ZNF772: variants seen among roughly 807,000 people sequenced by gnomAD.
ZNF772 encodes zinc finger protein 772.
ZNF772 carries 8 observed loss-of-function variants against 11.0 expected under a neutral mutation model. The ratio of observed to expected loss-of-function variants is 0.73; its 90% CI spans 0.43 to 1.31. The LOEUF (loss-of-function observed/expected upper bound fraction) is 1.31. ZNF772 is among the 50% of genes most tolerant of loss of function. The pLI is 0.01. For synonymous variants in ZNF772, 155 were observed against 180.4 expected, an observed-to-expected ratio of 0.86 and a Z score of 1.13; for missense variants, 496 against 552.3, an observed-to-expected ratio of 0.90 and a Z score of 1.02.
chr19:57,477,525 A>T lies in ZNF772; in HGVS notation c.-216T>A. ...AAACTAAACCAGTGGATTAATGGAA[A>T]AGCAAACAAAATGTCCACCCGAGGA... On this transcript the variant is annotated 5_prime_UTR_variant, in exon 1 of 4. Transcript: ENST00000356584. 1.9e-6 allele frequency: 1 copy of T among 520,746 alleles called. No individual in the cohort carries two copies. The highest frequency in any genetic ancestry group is 3.4e-6 in the Non-Finnish European group (1 of 290,808). The allele number at this position is 520,746 out of a possible 1,614,324, so 32.3% of individuals were successfully genotyped here.
Position 57,473,542 on chromosome 19 carries a change from G to A in ZNF772, c.1079C>T (p.Thr360Ile), listed in dbSNP as rs138982999. Residue 360 changes from threonine (T) to isoleucine (I), a missense_variant, in exon 4 of 4, where the codon ACT becomes ATT. Thr to Ile is a moderately conservative substitution (Grantham distance 89). Transcript: ENST00000356584. ...GATGCACTCATAAGGCCTTGCTCCA[G>A]TATGAACACTCCAATGTTTAATGAG... ...YRLIKHWSVH[T>I]GARPYECIAC... 3 of 1,613,294 alleles carry A rather than the reference G, an allele frequency of 1.9e-6. No individual in the cohort carries two copies. Among genetic ancestry groups the A allele is most frequent in the Admixed American group, 1.7e-5 (1 of 60,010 alleles).
chr19:57,474,009 A>T lies in ZNF772; in HGVS notation c.612T>A (p.Asn204Lys), dbSNP rs764735045. 1.9e-5 allele frequency: 30 copies of T among 1,614,070 alleles called. No homozygotes were observed. Among genetic ancestry groups the T allele is most frequent in the Non-Finnish European group, 2.3e-5 (27 of 1,180,038 alleles). ...SSIFEHHAPH[N>K]EWKPHSNTKC... ...TGGTGTTGCTGTGTGGCTTCCACTC[A>T]TTGTGAGGGGCATGGTGCTCGAAAA... Residue 204 changes from asparagine to lysine, a missense_variant, in exon 4 of 4, where the codon AAT becomes AAA. Coordinates refer to ENST00000356584, the MANE Select transcript of ZNF772 (RefSeq NM_001144068.2).
rs1192435008 is a variant in ZNF772, at chr19:57,471,042, C to T, written c.*2232G>A. On this transcript the variant is annotated 3_prime_UTR_variant, in exon 4 of 4. Coordinates refer to ENST00000356584, the MANE Select transcript of ZNF772 (RefSeq NM_001144068.2). Reference sequence around the variant, plus strand: ...CCCTCTATCTACCACAGAAATCAAACTTATAGTTAGAAACTTTCCTACAAA... The same window carrying T: ...CCCTCTATCTACCACAGAAATCAAATTTATAGTTAGAAACTTTCCTACAAA... 6.6e-6 allele frequency: 1 copy of T among 152,158 alleles called. No individual in the cohort carries two copies. The highest frequency in any genetic ancestry group is 1.5e-5 in the Non-Finnish European group (1 of 68,022). 9.4% of individuals were successfully genotyped at this position (152,158 alleles called of 1,614,324 possible). A position where few individuals can be genotyped will look rare whatever the true frequency, so the allele number is the denominator to read the frequency against.
In ZNF772 at chr19:57,472,065, T is replaced by G. The variant is rs1483052765; in HGVS notation, c.*1209A>C. ...TAGACTGACTTCTGGACAGTAACCT[T>G]AGCCATAAGAGACACAGGTATGGAA... On this transcript the variant is annotated 3_prime_UTR_variant, in exon 4 of 4. Coordinates refer to ENST00000356584, the MANE Select transcript of ZNF772 (RefSeq NM_001144068.2). The G allele has an allele frequency of 6.6e-6, 3 of 453,972 alleles. No individual in the cohort carries two copies. Among genetic ancestry groups the G allele is most frequent in the Non-Finnish European group, 1.3e-5 (3 of 226,256 alleles). The allele number at this position is 453,972 out of a possible 1,614,324, so 28.1% of individuals were successfully genotyped here. A position where few individuals can be genotyped will look rare whatever the true frequency, so the allele number is the denominator to read the frequency against.
rs1419108110 is a variant in ZNF772, at chr19:57,469,851, T to C, written c.*3423A>G. On this transcript the variant is annotated 3_prime_UTR_variant, in exon 4 of 4. Coordinates refer to ENST00000356584, the MANE Select transcript of ZNF772 (RefSeq NM_001144068.2). ...GTACAGTATACATTTCAAGTGAACA[T>C]GTAACTCATACCAAGATAGCCCATA... 1 of 152,206 alleles carries C rather than the reference T, an allele frequency of 6.6e-6. No homozygotes were observed. Among genetic ancestry groups the C allele is most frequent in the East Asian group, 1.9e-4 (1 of 5,198 alleles). The allele number at this position is 152,206 out of a possible 1,614,324, so 9.4% of individuals were successfully genotyped here. A position where few individuals can be genotyped will look rare whatever the true frequency, so the allele number is the denominator to read the frequency against.
In ZNF772 at chr19:57,475,513, C is replaced by A; in HGVS notation, c.199+147G>T. 1 of 1,311,666 alleles carries A rather than the reference C, an allele frequency of 7.6e-7. No homozygotes were observed. The highest frequency in any genetic ancestry group is 1.1e-6 in the Non-Finnish European group (1 of 910,762). The allele number at this position is 1,311,666 out of a possible 1,614,324, so 81.3% of individuals were successfully genotyped here. On this transcript the variant is annotated intron_variant, in intron 3 of 3. Transcript: ENST00000356584. The surrounding 1 kb of genome is among the most constrained non-coding windows in gnomAD (Gnocchi z 4.2). ...GGAGAAAGTAGGAGTGCAAACAGCCCAAGCCCAGCACTCACAGAACCTACT... is the reference window on the plus strand; with the variant it reads ...GGAGAAAGTAGGAGTGCAAACAGCCAAAGCCCAGCACTCACAGAACCTACT...
intron 1 of ZNF772, 115 bp downstream of exon 1, chr19:57,477,160 GCC>G (rs2089293793): frequency 1.5e-6 from 2 of 1,364,210 alleles, no homozygotes; most frequent in African/African-American, 2.9e-5. Flanking sequence ...AAACACGAGC[GCC>G]CCCACTGTTC....
At position 57,475,329 on chromosome 19, in the gene ZNF772, G is replaced by A. The variant is rs571944880; in HGVS notation, c.199+331C>T. On this transcript the variant is annotated intron_variant, in intron 3 of 3. Transcript: ENST00000356584. This position sits in a 1 kb window ranked among gnomAD's most constrained non-coding sequence, Gnocchi z 4.2. ...AGGAAATGTCAGCTAAAGGAAGAGC[G>A]CAGAATCCCAGGCACAGAGGTGTCA... is the stretch of plus-strand genomic sequence containing the variant. 1.7e-4 allele frequency among the ~76,000 whole-genome samples: 26 copies of A among 152,332 alleles called. No homozygotes were observed. Among genetic ancestry groups the A allele is most frequent in the South Asian group, 6.2e-4 (3 of 4,832 alleles).
chr19:57,476,893 T>C (rs2089290927), intron 1 of ZNF772, among the ~76,000 whole-genome samples: 1 of 152,204 alleles, frequency 6.6e-6, no homozygotes, highest in Admixed American at 6.5e-5. Flanking sequence ...GAGCAGTCTA[T>C]GGAATACTTT....
At position 57,473,037 on chromosome 19, in the gene ZNF772, A is replaced by C; in HGVS notation, c.*237T>G. ...ACAAGGCAGGACTCTTCCAGCACAA[A>C]GACAGATGGCTTCTAACAGGCACTG... On this transcript the variant is annotated 3_prime_UTR_variant, in exon 4 of 4. Transcript: ENST00000356584. 2 of 554,266 alleles carry C rather than the reference A, an allele frequency of 3.6e-6. No individual in the cohort carries two copies. The highest frequency in any genetic ancestry group is 3.2e-6 in the Non-Finnish European group (1 of 312,850). 34.3% of individuals were successfully genotyped at this position (554,266 alleles called of 1,614,324 possible).
Position 57,473,070 on chromosome 19 carries a change from G to A in ZNF772, c.*204C>T, listed in dbSNP as rs1386067730. 17 of 592,002 alleles carry A rather than the reference G, an allele frequency of 2.9e-5. No homozygotes were observed. Among genetic ancestry groups the A allele is most frequent in the East Asian group, 5.6e-5 (2 of 35,742 alleles). The allele number at this position is 592,002 out of a possible 1,614,324, so 36.7% of individuals were successfully genotyped here. A position where few individuals can be genotyped will look rare whatever the true frequency, so the allele number is the denominator to read the frequency against. ...GGCTTCTAACAGGCACTGCCTTGAC[G>A]AAATTCCAGCAAGAGTCTAGAAAAT... On this transcript the variant is annotated 3_prime_UTR_variant, in exon 4 of 4. Coordinates refer to ENST00000356584, the MANE Select transcript of ZNF772 (RefSeq NM_001144068.2).
intron 3 of ZNF772, among the ~76,000 whole-genome samples, chr19:57,474,669 A>G (rs1255829915): frequency 6.6e-6 from 1 of 152,272 alleles, no homozygotes. Flanking sequence ...GGCAGGTCTC[A>G]AAGTCATTCA....
Position 57,474,097 on chromosome 19 carries a change from T to C in ZNF772, c.524A>G (p.Gln175Arg). ...TGTCACAAAAGACATCTCCATTGAT[T>C]GCACAGCACAGTTGTTCAGAAGAAA... is the stretch of plus-strand genomic sequence containing the variant. Reference protein sequence around the residue: ...RPFLLNNCAVQSMEMSFVTGE... With the variant: ...RPFLLNNCAVRSMEMSFVTGE... The change falls in exon 4 of 4, where the codon CAA becomes CGA. Residue 175 changes from glutamine to arginine, a missense_variant. Coordinates refer to ENST00000356584, the MANE Select transcript of ZNF772 (RefSeq NM_001144068.2). The C allele has an allele frequency of 6.2e-7, 1 of 1,614,176 alleles. No individual in the cohort carries two copies. Among genetic ancestry groups the C allele is most frequent in the Non-Finnish European group, 8.5e-7 (1 of 1,180,000 alleles).
rs952932913 is a variant in ZNF772 at position 57,473,114 on chromosome 19, G to T, written c.*160C>A. 3 of 689,940 alleles carry T rather than the reference G, an allele frequency of 4.3e-6. No individual in the cohort carries two copies. Among genetic ancestry groups the T allele is most frequent in the Non-Finnish European group, 7.1e-6 (3 of 423,760 alleles). The allele number at this position is 689,940 out of a possible 1,614,324, so 42.7% of individuals were successfully genotyped here. A position where few individuals can be genotyped will look rare whatever the true frequency, so the allele number is the denominator to read the frequency against. ...AGAAAATTCAGCATAGCTCCAGAAG[G>T]CTTCCCATATAGCTGGCACTCGGAA... On this transcript the variant is annotated 3_prime_UTR_variant, in exon 4 of 4. Transcript: ENST00000356584.
At chr19:57,476,164 C>G (rs1244196289) in intron 2 of ZNF772, among the ~76,000 whole-genome samples, 1 of 152,210 alleles carries the variant, frequency 6.6e-6, no homozygotes, top group Non-Finnish European at 1.5e-5. Context: ...GTACATCACT[C>G]TTTGGATCAC....
Position 57,472,121 on chromosome 19 carries a change from G to C in ZNF772, c.*1153C>G, listed in dbSNP as rs372756954. 243 of 456,270 alleles carry C rather than the reference G, an allele frequency of 5.3e-4. 1 individual carries two copies. The highest frequency in any genetic ancestry group is 4.4e-3 in the African/African-American group (220 of 50,204). 28.3% of individuals were successfully genotyped at this position (456,270 alleles called of 1,614,324 possible). A position where few individuals can be genotyped will look rare whatever the true frequency, so the allele number is the denominator to read the frequency against. ...TCTGTAAACCCTCATAATGGAGCCAGAGTAATGGAAACACATGTGGATGTA... is the reference window on the plus strand; with the variant it reads ...TCTGTAAACCCTCATAATGGAGCCACAGTAATGGAAACACATGTGGATGTA... On this transcript the variant is annotated 3_prime_UTR_variant, in exon 4 of 4. Transcript: ENST00000356584.
Position 57,476,643 on chromosome 19 carries a change from G to A in ZNF772, c.63C>T (p.Asp21=). The change falls in exon 2 of 4, where the codon GAC becomes GAT. Residue 21 remains aspartate, a synonymous_variant. Coordinates refer to ENST00000356584, the MANE Select transcript of ZNF772 (RefSeq NM_001144068.2). ...QVPMNSEVIV[D]PIQGQVNFED... ...GACATTCTCCCCTCACCTGTATAGG[G>A]TCCACAATTACTTCTGAGTTCATGG... The A allele has an allele frequency of 1.9e-6, 3 of 1,609,648 alleles. No individual in the cohort carries two copies. Among genetic ancestry groups the A allele is most frequent in the East Asian group, 2.2e-5 (1 of 44,790 alleles).
Position 57,469,681 on chromosome 19 carries a change from A to G in ZNF772, c.*3593T>C, listed in dbSNP as rs1043293329. 6.6e-6 allele frequency: 1 copy of G among 152,226 alleles called. No homozygotes were observed. Among genetic ancestry groups the G allele is most frequent in the African/African-American group, 2.4e-5 (1 of 41,460 alleles). 9.4% of individuals were successfully genotyped at this position (152,226 alleles called of 1,614,324 possible). ...ACAGAACTGCAGAGAAGTAAATCCAATTTAATATTCAGAGATGTCAACAAT... is the reference window on the plus strand; with the variant it reads ...ACAGAACTGCAGAGAAGTAAATCCAGTTTAATATTCAGAGATGTCAACAAT... On this transcript the variant is annotated 3_prime_UTR_variant, in exon 4 of 4. Coordinates refer to ENST00000356584, the MANE Select transcript of ZNF772 (RefSeq NM_001144068.2).
In ZNF772 at chr19:57,473,380, AT is replaced by A; in HGVS notation, c.1240del (p.Ile414PhefsTer58). 1 of 1,614,146 alleles carries A rather than the reference AT, an allele frequency of 6.2e-7. No individual in the cohort carries two copies. Among genetic ancestry groups the A allele is most frequent in the Non-Finnish European group, 8.5e-7 (1 of 1,180,018 alleles). ...HKHVLVQHHR[I>X]HTGERPYKCS... ...CTTATATGGCCTTTCTCCAGTGTGA[AT>A]TCTATGATGCTGAACAAGTACATGT... On this transcript the variant is annotated frameshift_variant, in exon 4 of 4. Transcript: ENST00000356584. LOFTEE classifies it low-confidence loss of function (END_TRUNC).
Sources: allele counts gnomAD v4.1 joint callset (sites outside exome capture counted in the v4.1 genomes callset), GRCh38; gene constraint gnomAD v4.1.1; non-coding constraint Gnocchi (gnomAD v3.1); transcripts MANE v1.5; gene names NCBI Gene and HGNC (gene_info 2026-07-23, HGNC 2026-07-21).